CACNA2D3: variants seen among roughly 807,000 people sequenced by gnomAD.
The protein encoded by CACNA2D3 is calcium voltage-gated channel auxiliary subunit alpha2delta 3.
A neutral mutation model predicts 160.6 loss-of-function variants in CACNA2D3; 60 were observed. The ratio of observed to expected loss-of-function variants is 0.37; its 90% CI spans 0.30 to 0.46. The LOEUF (loss-of-function observed/expected upper bound fraction) is 0.46. CACNA2D3 is among the 20% of genes least tolerant of loss of function. The pLI is 1.00. For missense variants in CACNA2D3, 1,205 were observed against 1,365.0 expected (o/e 0.88, Z 1.85); for synonymous variants, 558 against 492.9 (o/e 1.13, Z -1.75).
At chr3:54,563,838 C>T (rs997643207) in intron 6 of CACNA2D3, among the ~76,000 whole-genome samples, 4 of 152,212 alleles carry the variant, frequency 2.6e-5, no homozygotes, top group African/African-American at 7.2e-5. Context: ...CTCTGCCTTG[C>T]GGAGCTGTTT....
rs567179193 is a variant in CACNA2D3 at position 54,747,638 on chromosome 3, A to G, written c.1168-4961A>G. ...TGATGTGGCACCCATTGTATCTCCA[A>G]GTTAATTTCCTGCAACCTCTGCTAG... On this transcript the variant is annotated intron_variant, in intron 11 of 37. Coordinates refer to ENST00000474759, the MANE Select transcript of CACNA2D3 (RefSeq NM_018398.3). Among the ~76,000 whole-genome samples, 4 of 152,268 alleles carry G rather than the reference A, an allele frequency of 2.6e-5. No homozygotes were observed. In the South Asian group the frequency reaches 8.3e-4, roughly 32 times the overall value.
At chr3:54,187,310 T>C (rs1700895420) in intron 2 of CACNA2D3, among the ~76,000 whole-genome samples, 1 of 152,196 alleles carries the variant, frequency 6.6e-6, no homozygotes, top group African/African-American at 2.4e-5. Flanking sequence ...ACCAAGTCTG[T>C]CTCTTGCTTT....
At chr3:55,045,313 G>A (rs2107196912) in intron 35 of CACNA2D3, among the ~76,000 whole-genome samples, 1 of 152,310 alleles carries the variant, frequency 6.6e-6, no homozygotes, top group Non-Finnish European at 1.5e-5. Context: ...GCCTCCCAAA[G>A]TGCTGGGATT....
chr3:54,136,119 T>C (rs1035463612), intron 2 of CACNA2D3, among the ~76,000 whole-genome samples: 19 of 152,222 alleles, frequency 1.2e-4, no homozygotes, highest in Non-Finnish European at 2.4e-4. Flanking sequence ...TCAGATTCAA[T>C]TGCATTTGAG....
intron 4 of CACNA2D3, among the ~76,000 whole-genome samples, chr3:54,485,103 C>T (rs1289001626): frequency 2.0e-5 from 3 of 152,002 alleles, no homozygotes; most frequent in Non-Finnish European, 2.9e-5. Flanking sequence ...CCTCGGCCTC[C>T]CAAAGTGCTG....
Position 54,475,809 on chromosome 3 carries a change from T to TG in CACNA2D3, c.382-27683_382-27682insG, listed in dbSNP as rs138448154. Among the ~76,000 whole-genome samples the TG allele has an allele frequency of 5.2e-3, 749 of 142,820 alleles. 5 individuals are homozygous for TG. Among genetic ancestry groups the TG allele is most frequent in the African/African-American group, 0.019 (727 of 38,282 alleles). The allele number at this position is 142,820 out of a possible 152,430, so 93.7% of individuals were successfully genotyped here. A position where few individuals can be genotyped will look rare whatever the true frequency, so the allele number is the denominator to read the frequency against. ...ATCCATCTTCTCACATGGTTACCAT[T>TG]TGTGTGTGTGTGTGTGTGTGTGTGT... On this transcript the variant is annotated intron_variant, in intron 4 of 37. Coordinates refer to ENST00000474759, the MANE Select transcript of CACNA2D3 (RefSeq NM_018398.3).
chr3:54,277,174 CCCTTT>C (rs1274658333), intron 2 of CACNA2D3, among the ~76,000 whole-genome samples: 2 of 152,238 alleles, frequency 1.3e-5, no homozygotes. Context: ...TGAACGTCTG[CCCTTT>C]CCTCCCTTTT....
intron 13 of CACNA2D3, among the ~76,000 whole-genome samples, chr3:54,798,162 T>C (rs1702906690): frequency 6.6e-6 from 1 of 152,248 alleles, no homozygotes; most frequent in African/African-American, 2.4e-5. Context: ...TCTCAAACTT[T>C]GTAATTCTTC....
At chr3:54,776,427 A>T (rs533034845) in intron 13 of CACNA2D3, among the ~76,000 whole-genome samples, 1 of 152,144 alleles carries the variant, frequency 6.6e-6, no homozygotes, top group Non-Finnish European at 1.5e-5. Context: ...AGGTGGGAGG[A>T]TCACTTGAGC....
chr3:54,991,528 C>A (rs1243380549), intron 31 of CACNA2D3, among the ~76,000 whole-genome samples: 4 of 151,936 alleles, frequency 2.6e-5, no homozygotes, highest in African/African-American at 9.7e-5. Context: ...CGGCCTCTTG[C>A]AACTATGAAG....
chr3:54,594,609 G>T (rs1686521229), intron 9 of CACNA2D3, among the ~76,000 whole-genome samples: 3 of 152,148 alleles, frequency 2.0e-5, no homozygotes, highest in African/African-American at 2.4e-5. Flanking sequence ...CAATAAACTT[G>T]CCAGTTAACC....
intron 17 of CACNA2D3, among the ~76,000 whole-genome samples, chr3:54,871,095 A>G (rs1427419549): frequency 1.5e-5 from 2 of 130,056 alleles, no homozygotes; most frequent in Non-Finnish European, 3.3e-5. Context: ...CACACACACC[A>G]TTCAATGGGA....
At chr3:54,146,206 A>G (rs1576957491) in intron 2 of CACNA2D3, among the ~76,000 whole-genome samples, 1 of 152,162 alleles carries the variant, frequency 6.6e-6, no homozygotes, top group Non-Finnish European at 1.5e-5. Flanking sequence ...TGTATGCAGT[A>G]CTGCTACTCC....
At chr3:54,863,756 A>C (rs1157877376) in intron 17 of CACNA2D3, among the ~76,000 whole-genome samples, 4 of 152,108 alleles carry the variant, frequency 2.6e-5, no homozygotes, top group Non-Finnish European at 5.9e-5. Flanking sequence ...TTAGTTTTAC[A>C]GCGATCAAAA....
chr3:54,141,867 T>C (rs1487953190), intron 2 of CACNA2D3, among the ~76,000 whole-genome samples: 1 of 152,234 alleles, frequency 6.6e-6, no homozygotes, highest in Non-Finnish European at 1.5e-5. Flanking sequence ...TGCATCTTGC[T>C]ACTCTGTCCA....
At chr3:54,703,476 T>C (rs529048189) in intron 11 of CACNA2D3, among the ~76,000 whole-genome samples, 1 of 152,218 alleles carries the variant, frequency 6.6e-6, no homozygotes, top group South Asian at 2.1e-4. Flanking sequence ...ATTGGAATGG[T>C]GGCCACCTTT....
At chr3:54,649,066 T>C (rs1033821079) in intron 11 of CACNA2D3, among the ~76,000 whole-genome samples, 2 of 152,186 alleles carry the variant, frequency 1.3e-5, no homozygotes, top group East Asian at 1.9e-4. Context: ...AGATAATAAA[T>C]GGTGGAGGGC....
intron 18 of CACNA2D3, chr3:54,878,712 C>T (rs1044606349): frequency 1.0e-4 from 24 of 240,754 alleles, no homozygotes; most frequent in African/African-American, 2.2e-4. Flanking sequence ...CGTTCTTGCT[C>T]GGCATTTCAG....
intron 4 of CACNA2D3, among the ~76,000 whole-genome samples, chr3:54,444,388 C>T (rs1180427805): frequency 6.6e-6 from 1 of 152,056 alleles, no homozygotes; most frequent in South Asian, 2.1e-4. Flanking sequence ...CTGTGAGGTC[C>T]CCTGTGTGTT....
Sources: gnomAD v4.1 joint callset for allele counts (sites outside exome capture counted in the v4.1 genomes callset) on GRCh38, gnomAD v4.1.1 for gene constraint, MANE v1.5 for transcripts, NCBI Gene and HGNC (gene_info 2026-07-23, HGNC 2026-07-21) for gene names.